Variants in MYO9A observed in about 807,000 individuals in gnomAD.
The protein encoded by MYO9A is unconventional myosin-IXa.
MYO9A carries 103 observed loss-of-function variants against 293.3 expected under a neutral mutation model. The ratio of observed to expected loss-of-function variants is 0.35; its 90% CI spans 0.30 to 0.41. The LOEUF (loss-of-function observed/expected upper bound fraction) is 0.41, where lower values mean the gene tolerates loss of function less well. Ranked by LOEUF, MYO9A falls within the 10% of genes least tolerant of loss-of-function variation. The pLI, the probability that MYO9A is intolerant of heterozygous loss-of-function variation, is 1.00. For synonymous variants in MYO9A, 1,001 were observed against 1,035.7 expected (o/e 0.97, Z 0.64); for missense variants, 2,685 against 3,033.0 (o/e 0.89, Z 2.69).
chr15:71,838,568 T>C (rs183786581), intron 39 of MYO9A, among the ~76,000 whole-genome samples: 1 of 152,298 alleles, frequency 6.6e-6, no homozygotes, highest in East Asian at 1.9e-4. Flanking sequence ...AGGCAAACTG[T>C]TCCTAAAATG....
chr15:71,845,014 A>G (rs1396195561), intron 39 of MYO9A, among the ~76,000 whole-genome samples: 1 of 152,212 alleles, frequency 6.6e-6, no homozygotes, highest in Admixed American at 6.5e-5. Flanking sequence ...CACAAATCTC[A>G]GAATCCTAAT....
intron 3 of MYO9A, among the ~76,000 whole-genome samples, chr15:72,030,500 C>A (rs2077828121): frequency 6.6e-6 from 1 of 151,830 alleles, no homozygotes; most frequent in Non-Finnish European, 1.5e-5. Flanking sequence ...TATCTATATA[C>A]TATATCTATA....
chr15:71,914,121 G>A (rs759481137), intron 19 of MYO9A, among the ~76,000 whole-genome samples: 1 of 151,880 alleles, frequency 6.6e-6, no homozygotes, highest in Non-Finnish European at 1.5e-5. Flanking sequence ...TCTTTACTCT[G>A]CCTCACAAAT....
In MYO9A at chr15:71,878,033, C is replaced by A; in HGVS notation, c.5931+7G>T. On this transcript the variant is annotated splice_region_variant and intron_variant, in intron 31 of 41. Coordinates refer to ENST00000356056, the MANE Select transcript of MYO9A (RefSeq NM_006901.4). ...TCCTTTAAGTAATCAAAATATATCA[C>A]ATTTACCTTTGTGGCTGTGCAATCT... The A allele has an allele frequency of 6.3e-7, 1 of 1,576,988 alleles. No homozygotes were observed. Among genetic ancestry groups the A allele is most frequent in the Non-Finnish European group, 8.6e-7 (1 of 1,162,684 alleles).
At chr15:71,834,587 C>T (rs1230781356) in intron 39 of MYO9A, among the ~76,000 whole-genome samples, 1 of 151,678 alleles carries the variant, frequency 6.6e-6, no homozygotes, top group African/African-American at 2.4e-5. Context: ...GCCTTGGCAA[C>T]ATGGCAAAAC....
At chr15:71,934,822 G>T (rs548949055) in intron 17 of MYO9A, among the ~76,000 whole-genome samples, 3 of 136,502 alleles carry the variant, frequency 2.2e-5, no homozygotes, top group Admixed American at 7.4e-5. Flanking sequence ...GGAGAGATGG[G>T]GTCTCTATGA....
intron 11 of MYO9A, among the ~76,000 whole-genome samples, chr15:71,990,250 A>C (rs2076505614): frequency 6.6e-6 from 1 of 151,628 alleles, no homozygotes; most frequent in African/African-American, 2.4e-5. Context: ...ACATCTGGTT[A>C]ATTTTTATAT....
At chr15:72,088,299 T>C (rs1261262230) in intron 1 of MYO9A, among the ~76,000 whole-genome samples, 1 of 152,234 alleles carries the variant, frequency 6.6e-6, no homozygotes, top group South Asian at 2.1e-4. Flanking sequence ...ATAAACTCTA[T>C]AGAATACTAA....
intron 8 of MYO9A, among the ~76,000 whole-genome samples, chr15:72,005,649 G>A (rs1239920657): frequency 1.3e-5 from 2 of 152,008 alleles, no homozygotes; most frequent in Non-Finnish European, 2.9e-5. Context: ...CCTCTGCCAG[G>A]TTATCATTCC....
intron 9 of MYO9A, among the ~76,000 whole-genome samples, chr15:71,996,006 T>G (rs1054131861): frequency 3.3e-5 from 5 of 152,176 alleles, no homozygotes; most frequent in African/African-American, 1.2e-4. Flanking sequence ...CCTGTATTAT[T>G]TTTTATTGTT....
At chr15:72,088,684 T>TAA (rs1369119941) in intron 1 of MYO9A, among the ~76,000 whole-genome samples, 1 of 152,188 alleles carries the variant, frequency 6.6e-6, no homozygotes, top group African/African-American at 2.4e-5. Context: ...TACCAGTCAG[T>TAA]AAAAAATATA....
intron 1 of MYO9A, among the ~76,000 whole-genome samples, chr15:72,108,469 T>C (rs187791904): frequency 3.3e-5 from 5 of 152,296 alleles, no homozygotes; most frequent in South Asian, 2.1e-4. Context: ...TACAAGATGA[T>C]TGGTCTCTTC....
rs914288725 is a variant in MYO9A at position 71,826,520 on chromosome 15, G to A, written c.*60C>T. On this transcript the variant is annotated 3_prime_UTR_variant, in exon 42 of 42. Coordinates refer to ENST00000356056, the MANE Select transcript of MYO9A (RefSeq NM_006901.4). ...ATTGTGGACGAGGTGATGAAACGCA[G>A]CCCCAAAGGTGAGATTTGTTTACCA... is the stretch of plus-strand genomic sequence containing the variant. The A allele has an allele frequency of 5.4e-6, 8 of 1,469,736 alleles. No homozygotes were observed. The highest frequency in any genetic ancestry group is 7.3e-6 in the Non-Finnish European group (8 of 1,091,812). 91.0% of individuals were successfully genotyped at this position (1,469,736 alleles called of 1,614,324 possible).
At chr15:71,849,082 C>T in intron 38 of MYO9A, 114 bp from the exon 39 acceptor site, 1 of 1,008,932 alleles carries the variant, frequency 9.9e-7, no homozygotes, top group Middle Eastern at 3.1e-4. Context: ...AATTAACATC[C>T]CTTACTTGAT....
intron 19 of MYO9A, among the ~76,000 whole-genome samples, chr15:71,913,707 A>G (rs1488777618): frequency 1.3e-5 from 2 of 152,096 alleles, no homozygotes; most frequent in Non-Finnish European, 2.9e-5. Context: ...TCCTTTAAAG[A>G]GTGACAAACA....
chr15:71,981,355 A>T (rs1301114258), intron 11 of MYO9A, among the ~76,000 whole-genome samples: 1 of 151,998 alleles, frequency 6.6e-6, no homozygotes, highest in African/African-American at 2.4e-5. Flanking sequence ...TCAGACTGAC[A>T]CTCTTTCTTC....
At chr15:71,876,425 ATTTT>A (rs397854202) in intron 31 of MYO9A, among the ~76,000 whole-genome samples, 2 of 61,072 alleles carry the variant, frequency 3.3e-5, no homozygotes, top group South Asian at 1.1e-3. Context: ...CCTGGCTGGT[ATTTT>A]TTTTTTTTTT....
chr15:71,969,820 A>C (rs534505892), intron 12 of MYO9A, among the ~76,000 whole-genome samples: 8 of 152,330 alleles, frequency 5.3e-5, no homozygotes, highest in Admixed American at 1.3e-4. Context: ...GCAAAAAAAA[A>C]AATTTGGAAC....
intron 6 of MYO9A, among the ~76,000 whole-genome samples, chr15:72,011,213 C>T (rs1010498328): frequency 6.6e-6 from 1 of 151,898 alleles, no homozygotes; most frequent in African/African-American, 2.4e-5. Context: ...GGTTTCACCA[C>T]ATTGCCCAGG....
Sources: gnomAD v4.1 joint callset for allele counts (sites outside exome capture counted in the v4.1 genomes callset) on GRCh38, gnomAD v4.1.1 for gene constraint, MANE v1.5 for transcripts, NCBI Gene and HGNC (gene_info 2026-07-23, HGNC 2026-07-21) for gene names.